RCAN2: variants seen among roughly 807,000 people sequenced by gnomAD.
RCAN2 encodes calcipressin-2.
RCAN2 carries 9 observed loss-of-function variants against 23.6 expected under a neutral mutation model. The observed-to-expected ratio is 0.38, with a 90% CI of 0.23 to 0.67. The LOEUF is 0.67. Among genes scored for constraint, RCAN2 ranks in the 30% least tolerant of loss-of-function variants. The pLI is 0.51. For synonymous variants in RCAN2, 109 were observed against 115.7 expected, an observed-to-expected ratio of 0.94 and a Z score of 0.37; for missense variants, 273 against 302.3, an observed-to-expected ratio of 0.90 and a Z score of 0.72.
intron 4 of RCAN2, among the ~76,000 whole-genome samples, chr6:46,231,146 G>A (rs1307790565): frequency 6.6e-6 from 1 of 152,174 alleles, no homozygotes. Flanking sequence ...GAGGTCATTA[G>A]GGTGGGCTCT....
chr6:46,263,684 C>G (rs1019582528), intron 2 of RCAN2, among the ~76,000 whole-genome samples: 17 of 146,690 alleles, frequency 1.2e-4, no homozygotes, highest in African/African-American at 4.3e-4. Flanking sequence ...GGCAGGAGAG[C>G]AGCATTATCA....
intron 2 of RCAN2, chr6:46,325,905 G>A: frequency 2.0e-6 from 2 of 984,440 alleles, no homozygotes; most frequent in Non-Finnish European, 2.4e-6. Flanking sequence ...AGGAGGGGGT[G>A]AATCTGACAC....
Position 46,222,405 on chromosome 6 carries a change from T to G in RCAN2, c.*736A>C, listed in dbSNP as rs1765506522. ...CAGTCTCTATCACCCTGGACAAGCC[T>G]CCCCAACGAGGCTGGGAGAGTTCTA... On this transcript the variant is annotated 3_prime_UTR_variant, in exon 5 of 5. Coordinates refer to ENST00000371374, the MANE Select transcript of RCAN2 (RefSeq NM_001251974.2). The G allele has an allele frequency of 6.4e-6, 1 of 155,648 alleles. No homozygotes were observed. Among genetic ancestry groups the G allele is most frequent in the African/African-American group, 2.4e-5 (1 of 41,620 alleles). The allele number at this position is 155,648 out of a possible 1,614,324, so 9.6% of individuals were successfully genotyped here. A position where few individuals can be genotyped will look rare whatever the true frequency, so the allele number is the denominator to read the frequency against.
chr6:46,432,362 T>C (rs1767236581), intron 2 of RCAN2, among the ~76,000 whole-genome samples: 1 of 151,988 alleles, frequency 6.6e-6, no homozygotes, highest in African/African-American at 2.4e-5. Context: ...TACAGGCATG[T>C]GCCACCATGC....
chr6:46,274,753 A>G (rs1178448775), intron 2 of RCAN2, among the ~76,000 whole-genome samples: 4 of 152,226 alleles, frequency 2.6e-5, no homozygotes, highest in Non-Finnish European at 4.4e-5. Context: ...AGGTCCCGAG[A>G]CAGCCCCAGT....
In RCAN2 at chr6:46,233,730, T is replaced by C. The variant is rs148832860; in HGVS notation, c.572-10429A>G. ...GAGATGAAGAACACTTCTTTTTTTT[T>C]TTTTTTTTTCTTGAGATGGTGTTTT... On this transcript the variant is annotated intron_variant, in intron 4 of 4. Transcript: ENST00000371374. Among the ~76,000 whole-genome samples, 115 of 151,806 alleles carry C rather than the reference T, an allele frequency of 7.6e-4. 2 individuals are homozygous for C. The Middle Eastern group carries it at 0.027, about 36-fold the overall frequency.
intron 2 of RCAN2, among the ~76,000 whole-genome samples, chr6:46,329,457 C>T (rs1203947682): frequency 6.6e-6 from 1 of 152,120 alleles, no homozygotes; most frequent in Non-Finnish European, 1.5e-5. Flanking sequence ...AGATTTTTGC[C>T]TATTCTGCTC....
chr6:46,437,062 T>A (rs974267511), intron 2 of RCAN2, among the ~76,000 whole-genome samples: 3 of 152,226 alleles, frequency 2.0e-5, no homozygotes, highest in Non-Finnish European at 4.4e-5. Flanking sequence ...CTTCCATTTA[T>A]GCTTCAGTTG....
intron 1 of RCAN2, among the ~76,000 whole-genome samples, chr6:46,484,076 T>C (rs968042050): frequency 6.6e-6 from 1 of 152,236 alleles, no homozygotes; most frequent in Non-Finnish European, 1.5e-5. Flanking sequence ...GATACTGGAC[T>C]TTTAGCTTTA....
chr6:46,270,478 T>C (rs758854192), intron 2 of RCAN2, among the ~76,000 whole-genome samples: 3 of 152,218 alleles, frequency 2.0e-5, no homozygotes, highest in Non-Finnish European at 4.4e-5. Flanking sequence ...AGAGTCAGAC[T>C]GAGCTTCTCG....
chr6:46,342,557 A>AAAAG (rs1275175172), intron 2 of RCAN2, among the ~76,000 whole-genome samples: 2 of 66,742 alleles, frequency 3.0e-5, no homozygotes, highest in Non-Finnish European at 4.3e-5. Context: ...GTCTCTTAAA[A>AAAAG]AAAGAAAGAA....
intron 2 of RCAN2, among the ~76,000 whole-genome samples, chr6:46,309,205 G>C (rs950953741): frequency 6.6e-6 from 1 of 152,136 alleles, no homozygotes. Context: ...ATCCTGAGAG[G>C]TCAGTAATAC....
chr6:46,280,100 C>T (rs193143207), intron 2 of RCAN2, among the ~76,000 whole-genome samples: 67 of 152,180 alleles, frequency 4.4e-4, no homozygotes, highest in Non-Finnish European at 7.8e-4. Flanking sequence ...TAAAATGCTG[C>T]CTACCCCACA....
At chr6:46,301,687 G>A (rs1762907938) in intron 2 of RCAN2, among the ~76,000 whole-genome samples, 1 of 152,074 alleles carries the variant, frequency 6.6e-6, no homozygotes, top group Non-Finnish European at 1.5e-5. Flanking sequence ...AAGTGACTGA[G>A]TAAGGGAGTA....
chr6:46,291,079 T>G (rs1441854805), intron 2 of RCAN2, among the ~76,000 whole-genome samples: 1 of 152,068 alleles, frequency 6.6e-6, no homozygotes, highest in Non-Finnish European at 1.5e-5. Flanking sequence ...GAGTTAAAAG[T>G]TTAGAAGCAA....
At chr6:46,251,602 A>C (rs1766722765) in intron 2 of RCAN2, among the ~76,000 whole-genome samples, 1 of 151,922 alleles carries the variant, frequency 6.6e-6, no homozygotes, top group African/African-American at 2.4e-5. Flanking sequence ...CTTTGAGTCT[A>C]ATTCCTTCCT....
At chr6:46,437,417 A>G (rs1767405643) in intron 2 of RCAN2, among the ~76,000 whole-genome samples, 1 of 152,238 alleles carries the variant, frequency 6.6e-6, no homozygotes, top group Non-Finnish European at 1.5e-5. Context: ...ATAAAATACA[A>G]GGCATGAAAA....
chr6:46,293,994 A>G (rs889641152), intron 2 of RCAN2, among the ~76,000 whole-genome samples: 12 of 152,186 alleles, frequency 7.9e-5, no homozygotes, highest in Admixed American at 2.0e-4. Flanking sequence ...ATTTATGTGC[A>G]TCTTGGAGCA....
chr6:46,345,481 C>G (rs1235573054), intron 2 of RCAN2, among the ~76,000 whole-genome samples: 1 of 152,030 alleles, frequency 6.6e-6, no homozygotes, highest in African/African-American at 2.4e-5. Context: ...AGAACATTTG[C>G]CATGGTAGAC....
Sources: gnomAD v4.1 joint callset for allele counts (sites outside exome capture counted in the v4.1 genomes callset) on GRCh38, gnomAD v4.1.1 for gene constraint, MANE v1.5 for transcripts, NCBI Gene and HGNC (gene_info 2026-07-23, HGNC 2026-07-21) for gene names.